ERICH6: variants seen among roughly 807,000 people sequenced by gnomAD.
The protein encoded by ERICH6 is glutamate rich 6.
ERICH6 carries 71 observed loss-of-function variants against 71.0 expected under a neutral mutation model. The ratio of observed to expected loss-of-function variants is 1.00; its 90% CI spans 0.83 to 1.22. The LOEUF is 1.22. ERICH6 is among the 50% of genes most tolerant of loss of function. ERICH6 has a pLI of 0.00. For synonymous variants in ERICH6, 262 were observed against 278.4 expected, an observed-to-expected ratio of 0.94 and a Z score of 0.59; for missense variants, 808 against 797.2, an observed-to-expected ratio of 1.01 and a Z score of -0.16.
intron 2 of ERICH6, among the ~76,000 whole-genome samples, chr3:150,700,751 T>C (rs1459532220): frequency 6.6e-6 from 1 of 151,974 alleles, no homozygotes; most frequent in Non-Finnish European, 1.5e-5. Context: ...GCCCGGCTAA[T>C]TTTTGTATTT....
rs1238923820 is a variant in ERICH6 at position 150,675,872 on chromosome 3, TG to T, written c.1258-1832del. Among the ~76,000 whole-genome samples the T allele has an allele frequency of 2.8e-3, 420 of 148,666 alleles. 3 individuals carry two copies. Among genetic ancestry groups the T allele is most frequent in the African/African-American group, 9.8e-3 (397 of 40,622 alleles). On this transcript the variant is annotated intron_variant, in intron 10 of 13. Coordinates refer to ENST00000295910, the MANE Select transcript of ERICH6 (RefSeq NM_152394.5). ...TTCTTTCTTTCCTTTTTTTTTTTTT[TG>T]GTCTTTGGTTTTCTGCAGTTTCACT... is the stretch of plus-strand genomic sequence containing the variant.
rs75443394 is a variant in ERICH6, at chr3:150,666,026, G to C, written c.1728+761C>G. ...TTTGCATTCTCATCAAATCTTCACA[G>C]CAATCTGTAAGGTCGGAATCATTAT... On this transcript the variant is annotated intron_variant, in intron 13 of 13. Transcript: ENST00000295910. 2.3e-4 allele frequency among the ~76,000 whole-genome samples: 35 copies of C among 152,188 alleles called. No individual in the cohort carries two copies. In the East Asian group the frequency reaches 6.6e-3, roughly 29 times the overall value.
intron 3 of ERICH6, among the ~76,000 whole-genome samples, chr3:150,690,578 G>A (rs1712396777): frequency 6.6e-6 from 1 of 152,100 alleles, no homozygotes; most frequent in Admixed American, 6.5e-5. Flanking sequence ...ACTTTACCAG[G>A]AAAAAAGAAA....
At position 150,662,207 on chromosome 3, in the gene ERICH6, C is replaced by T. The variant is rs533072707; in HGVS notation, c.1729-2052G>A. On this transcript the variant is annotated intron_variant, in intron 13 of 13. Transcript: ENST00000295910. ...GCGCGTAATGGGAACAACTGAAGAG[C>T]GAATGAGTGAGGGGAAAGAATGGGC... Among the ~76,000 whole-genome samples, 10 of 152,222 alleles carry T rather than the reference C, an allele frequency of 6.6e-5. No homozygotes were observed. The East Asian group carries it at 1.9e-3, about 29-fold the overall frequency.
Position 150,703,447 on chromosome 3 carries a change from C to T in ERICH6, c.403+49G>A. On this transcript the variant is annotated intron_variant, in intron 1 of 13. Transcript: ENST00000295910. ...ACCCAGGAGTGGGTGGACCAGGTGC[C>T]CCCTGGAGACGAGAAACCCTCGAGG... 5 of 1,506,594 alleles carry T rather than the reference C, an allele frequency of 3.3e-6. 1 individual carries two copies. The East Asian group carries it at 9.2e-5, about 28-fold the overall frequency. 93.3% of individuals were successfully genotyped at this position (1,506,594 alleles called of 1,614,324 possible).
At chr3:150,685,301 T>G (rs1712135273) in intron 6 of ERICH6, among the ~76,000 whole-genome samples, 1 of 152,198 alleles carries the variant, frequency 6.6e-6, no homozygotes, top group Admixed American at 6.5e-5. Flanking sequence ...CAAATCCAAC[T>G]GGACTTGGTG....
Position 150,674,051 on chromosome 3 carries a change from A to G in ERICH6, c.1258-10T>C. 6.2e-7 allele frequency: 1 copy of G among 1,609,342 alleles called. No individual in the cohort carries two copies. The highest frequency in any genetic ancestry group is 8.5e-7 in the Non-Finnish European group (1 of 1,177,902). Reference sequence around the variant, plus strand: ...GCTCATTCCTGACAACCTATACACCACAGAAAAGAAAAGACACTTAATTGT... The same window carrying G: ...GCTCATTCCTGACAACCTATACACCGCAGAAAAGAAAAGACACTTAATTGT... On this transcript the variant is annotated splice_polypyrimidine_tract_variant and intron_variant, in intron 10 of 13. Coordinates refer to ENST00000295910, the MANE Select transcript of ERICH6 (RefSeq NM_152394.5).
At chr3:150,674,108 T>C (rs548801383) in intron 10 of ERICH6, 67 bp from the exon 11 acceptor site, 8 of 1,303,158 alleles carry the variant, frequency 6.1e-6, no homozygotes, top group Non-Finnish European at 8.8e-6. Context: ...ACGACAACAA[T>C]GGACATCAGC....
chr3:150,682,405 T>A, intron 6 of ERICH6, 89 bp from the exon 7 acceptor site: 1 of 895,176 alleles, frequency 1.1e-6, no homozygotes, highest in Non-Finnish European at 1.8e-6. Flanking sequence ...CTGGGCATGG[T>A]CAGTGAATGG....
At chr3:150,686,638 G>A (rs182363403) in intron 3 of ERICH6, among the ~76,000 whole-genome samples, 1 of 152,256 alleles carries the variant, frequency 6.6e-6, no homozygotes, top group East Asian at 1.9e-4. Context: ...ATCCTGAGTG[G>A]ATGCCTGAAA....
chr3:150,703,912 C>T lies in ERICH6; in HGVS notation c.-14G>A, dbSNP rs769839499. On this transcript the variant is annotated 5_prime_UTR_variant, in exon 1 of 14. Coordinates refer to ENST00000295910, the MANE Select transcript of ERICH6 (RefSeq NM_152394.5). ...CAAGTGGGCCATGGCTGGCGGGAGG[C>T]GGGATTACAGCCAGCTCTTTGGCCG... is the stretch of plus-strand genomic sequence containing the variant. 1.2e-6 allele frequency: 2 copies of T among 1,612,092 alleles called. No individual in the cohort carries two copies. The highest frequency in any genetic ancestry group is 2.2e-5 in the East Asian group (1 of 44,862).
At chr3:150,697,641 G>A (rs1240036076) in intron 3 of ERICH6, among the ~76,000 whole-genome samples, 3 of 152,084 alleles carry the variant, frequency 2.0e-5, no homozygotes, top group Non-Finnish European at 2.9e-5. Context: ...GACACTTCCT[G>A]GTTTTTCTTC....
chr3:150,674,089 G>C, intron 10 of ERICH6, 48 bp from the exon 11 acceptor site: 2 of 1,512,312 alleles, frequency 1.3e-6, no homozygotes, highest in Non-Finnish European at 1.8e-6. Context: ...CGGACATAAA[G>C]TAGTAAGTAC....
At chr3:150,702,881 A>C (rs1425030946) in intron 1 of ERICH6, among the ~76,000 whole-genome samples, 1 of 127,182 alleles carries the variant, frequency 7.9e-6, no homozygotes, top group East Asian at 3.1e-4. Context: ...TTCTCTGGAA[A>C]TAATATGAGT....
At chr3:150,695,028 C>T (rs952255369) in intron 3 of ERICH6, among the ~76,000 whole-genome samples, 1 of 152,170 alleles carries the variant, frequency 6.6e-6, no homozygotes, top group African/African-American at 2.4e-5. Context: ...TACAAGGGCA[C>T]TAATCCCATT....
In ERICH6 at chr3:150,659,932, A is replaced by G. The variant is rs781071028; in HGVS notation, c.1952T>C (p.Ile651Thr). The G allele has an allele frequency of 1.9e-6, 3 of 1,610,412 alleles. No individual in the cohort carries two copies. Among genetic ancestry groups the G allele is most frequent in the Non-Finnish European group, 2.5e-6 (3 of 1,176,922 alleles). ...LCHSSGIKQD[I>T]MKTIRNIINE... is the part of the protein sequence containing the mutation. ...TATTATATTTCTTATTGTCTTCATTATATCTTGCTTTATACCAGAACTGTG... is the reference window on the plus strand; with the variant it reads ...TATTATATTTCTTATTGTCTTCATTGTATCTTGCTTTATACCAGAACTGTG... Residue 651 changes from isoleucine (I) to threonine (T), a missense_variant, in exon 14 of 14, where the codon ATA becomes ACA. Around this residue, in one of 3 missense-constraint regions of ERICH6, gnomAD observed 736 missense variants for 712.2 expected, o/e 1.03. Coordinates refer to ENST00000295910, the MANE Select transcript of ERICH6 (RefSeq NM_152394.5).
At chr3:150,697,471 T>C (rs1359191237) in intron 3 of ERICH6, among the ~76,000 whole-genome samples, 1 of 152,166 alleles carries the variant, frequency 6.6e-6, no homozygotes, top group Non-Finnish European at 1.5e-5. Context: ...AATATGGCTT[T>C]TATCCCCAGA....
intron 11 of ERICH6, among the ~76,000 whole-genome samples, chr3:150,671,791 C>A (rs1711503885): frequency 6.6e-6 from 1 of 152,108 alleles, no homozygotes; most frequent in South Asian, 2.1e-4. Flanking sequence ...CAACACCTGG[C>A]TAATTTTTTG....
intron 9 of ERICH6, 88 bp downstream of exon 9, chr3:150,680,380 T>G (rs995695088): frequency 9.8e-5 from 135 of 1,374,448 alleles, no homozygotes; most frequent in Middle Eastern, 3.6e-4. Flanking sequence ...TACTATTTTT[T>G]AAATACACCC....
Sources: gnomAD v4.1 joint callset for allele counts (sites outside exome capture counted in the v4.1 genomes callset) on GRCh38, gnomAD v4.1.1 for gene constraint, gnomAD v4.1.1 regional missense constraint, MANE v1.5 for transcripts, NCBI Gene and HGNC (gene_info 2026-07-23, HGNC 2026-07-21) for gene names.